PTPRK: variants seen among roughly 807,000 people sequenced by gnomAD.
PTPRK encodes the protein protein tyrosine phosphatase receptor type K.
A neutral mutation model predicts 178.0 loss-of-function variants in PTPRK; 75 were observed. The ratio of observed to expected loss-of-function variants is 0.42; its 90% CI spans 0.35 to 0.51. The LOEUF (loss-of-function observed/expected upper bound fraction) is 0.51. PTPRK is among the 20% of genes least tolerant of loss of function. PTPRK has a pLI of 0.02. For missense variants in PTPRK, 1,441 were observed against 1,797.8 expected, an observed-to-expected ratio of 0.80 and a Z score of 3.59; for synonymous variants, 637 against 620.6, an observed-to-expected ratio of 1.03 and a Z score of -0.39.
intron 3 of PTPRK, among the ~76,000 whole-genome samples, chr6:128,282,032 G>T (rs764725701): frequency 1.4e-4 from 22 of 152,122 alleles, no homozygotes; most frequent in Admixed American, 6.6e-5. Context: ...GCAAAGAACT[G>T]ATTCTCTAGC....
intron 15 of PTPRK, chr6:128,003,263 T>A: frequency 1.3e-4 from 134 of 1,043,642 alleles, no homozygotes; most frequent in Middle Eastern, 4.1e-4. Flanking sequence ...TGAAGGAATA[T>A]ATTGCTCTAA....
chr6:128,233,599 C>T (rs17053266), intron 5 of PTPRK, among the ~76,000 whole-genome samples: 2,291 of 152,294 alleles, frequency 0.015, 132 homozygotes, highest in East Asian at 0.12. Flanking sequence ...ATGACATTTC[C>T]TTTGGCTGAG....
At chr6:128,441,388 A>G (rs1846260875) in intron 1 of PTPRK, among the ~76,000 whole-genome samples, 1 of 152,118 alleles carries the variant, frequency 6.6e-6, no homozygotes, top group Non-Finnish European at 1.5e-5. Context: ...ACTGGGCAAA[A>G]GTAAGCAACA....
At chr6:128,275,669 T>C (rs925483183) in intron 3 of PTPRK, among the ~76,000 whole-genome samples, 2 of 152,046 alleles carry the variant, frequency 1.3e-5, no homozygotes, top group East Asian at 3.9e-4. Flanking sequence ...TTTGAAGTTA[T>C]ACAGGGGATA....
intron 1 of PTPRK, among the ~76,000 whole-genome samples, chr6:128,439,570 G>A (rs774040800): frequency 3.4e-4 from 52 of 152,104 alleles, no homozygotes; most frequent in Admixed American, 9.2e-4. Context: ...ATGCTTTGGG[G>A]TAAAGAGAAA....
At chr6:128,135,940 C>G (rs774750044) in intron 7 of PTPRK, among the ~76,000 whole-genome samples, 4 of 152,074 alleles carry the variant, frequency 2.6e-5, no homozygotes, top group Non-Finnish European at 4.4e-5. Flanking sequence ...ATGAGCTGAA[C>G]TGTGTCTCCC....
chr6:128,022,102 C>G (rs117947572), intron 13 of PTPRK, among the ~76,000 whole-genome samples: 1 of 151,896 alleles, frequency 6.6e-6, no homozygotes, highest in Non-Finnish European at 1.5e-5. Context: ...ACACTCTGTA[C>G]GCCACTGTTT....
At chr6:128,168,054 A>G (rs1448119810) in intron 7 of PTPRK, among the ~76,000 whole-genome samples, 1 of 152,120 alleles carries the variant, frequency 6.6e-6, no homozygotes, top group Non-Finnish European at 1.5e-5. Context: ...GCAAAATAAG[A>G]GTAGTACTTA....
At chr6:128,354,956 T>C (rs1021385933) in intron 2 of PTPRK, among the ~76,000 whole-genome samples, 1 of 152,222 alleles carries the variant, frequency 6.6e-6, no homozygotes, top group Admixed American at 6.5e-5. Flanking sequence ...TAAAGGAAAT[T>C]ATTTCATCAA....
chr6:128,028,769 C>G (rs930691031), intron 13 of PTPRK, among the ~76,000 whole-genome samples: 1 of 152,118 alleles, frequency 6.6e-6, no homozygotes, highest in Non-Finnish European at 1.5e-5. Context: ...AAGTGTGCAA[C>G]AAAATTGTGT....
chr6:128,334,872 G>A (rs1031112756), intron 2 of PTPRK, among the ~76,000 whole-genome samples: 1 of 152,146 alleles, frequency 6.6e-6, no homozygotes, highest in African/African-American at 2.4e-5. Flanking sequence ...GACTGTTCAC[G>A]AGGTCAGGAG....
chr6:128,430,811 A>AC (rs1844741556), intron 1 of PTPRK, among the ~76,000 whole-genome samples: 1 of 152,150 alleles, frequency 6.6e-6, no homozygotes, highest in African/African-American at 2.4e-5. Flanking sequence ...CTGAACTGGC[A>AC]CCACACACCC....
chr6:128,407,202 C>T (rs1306957397), intron 1 of PTPRK, among the ~76,000 whole-genome samples: 1 of 152,088 alleles, frequency 6.6e-6, no homozygotes, highest in Admixed American at 6.6e-5. Flanking sequence ...CAAGCTTGTC[C>T]AACCCACAGG....
At chr6:128,386,100 T>G (rs1330974690) in intron 2 of PTPRK, among the ~76,000 whole-genome samples, 1 of 152,114 alleles carries the variant, frequency 6.6e-6, no homozygotes, top group East Asian at 1.9e-4. Context: ...TTTTAATCCT[T>G]GACTTAATAA....
intron 29 of PTPRK, among the ~76,000 whole-genome samples, chr6:127,970,568 GATC>G (rs1773791781): frequency 6.6e-6 from 1 of 151,482 alleles, no homozygotes; most frequent in Non-Finnish European, 1.5e-5. Context: ...AGTAATATTT[GATC>G]ATTACAGAAC....
At chr6:128,461,449 C>G (rs1429060163) in intron 1 of PTPRK, among the ~76,000 whole-genome samples, 1 of 152,122 alleles carries the variant, frequency 6.6e-6, no homozygotes, top group Non-Finnish European at 1.5e-5. Context: ...AAGGAATTAA[C>G]TGCTTACAAA....
chr6:128,139,103 G>T (rs577960479), intron 7 of PTPRK, among the ~76,000 whole-genome samples: 2 of 152,156 alleles, frequency 1.3e-5, no homozygotes, highest in East Asian at 1.9e-4. Flanking sequence ...GAATGAAAGA[G>T]AATATGTCTA....
At chr6:128,295,259 A>T (rs1824113278) in intron 3 of PTPRK, among the ~76,000 whole-genome samples, 1 of 152,090 alleles carries the variant, frequency 6.6e-6, no homozygotes, top group South Asian at 2.1e-4. Flanking sequence ...AAAGTGTAAA[A>T]ACCACTATTG....
intron 1 of PTPRK, among the ~76,000 whole-genome samples, chr6:128,424,444 C>T (rs1196815270): frequency 6.6e-6 from 1 of 152,124 alleles, no homozygotes; most frequent in East Asian, 1.9e-4. Flanking sequence ...TTACACTATT[C>T]TCAGTCGTAT....
Sources: gnomAD v4.1 joint callset for allele counts (sites outside exome capture counted in the v4.1 genomes callset) on GRCh38, gnomAD v4.1.1 for gene constraint, MANE v1.5 for transcripts, NCBI Gene and HGNC (gene_info 2026-07-23, HGNC 2026-07-21) for gene names.